The following PCOLCE2 variants were observed in gnomAD, a reference collection of about 807,000 sequenced individuals.
The protein encoded by PCOLCE2 is procollagen C-endopeptidase enhancer 2, also known as procollagen C-proteinase enhancer 2.
In PCOLCE2, 42 loss-of-function variants were observed where a neutral mutation model predicts 47.0. The ratio of observed to expected loss-of-function variants is 0.89; its 90% CI spans 0.70 to 1.16. The LOEUF (loss-of-function observed/expected upper bound fraction) is 1.16, where lower values mean the gene tolerates loss of function less well. Among genes scored for constraint, PCOLCE2 ranks in the 50% most tolerant of loss-of-function variants. The pLI is 0.00. For synonymous variants in PCOLCE2, 169 were observed against 191.7 expected (o/e 0.88, Z 0.98); for missense variants, 500 against 526.1 (o/e 0.95, Z 0.49).
intron 6 of PCOLCE2, chr3:142,827,008 C>A: frequency 1.4e-6 from 1 of 711,162 alleles, no homozygotes; most frequent in Admixed American, 2.2e-5. Context: ...TAGGTCATCT[C>A]GTTCTTGATC....
intron 4 of PCOLCE2, among the ~76,000 whole-genome samples, chr3:142,841,417 T>A (rs1303193872): frequency 6.6e-6 from 1 of 152,218 alleles, no homozygotes; most frequent in Non-Finnish European, 1.5e-5. Context: ...GGAAAAGAGA[T>A]GCTTAACTGT....
intron 2 of PCOLCE2, among the ~76,000 whole-genome samples, chr3:142,875,811 G>A (rs151074012): frequency 4.1e-4 from 62 of 152,084 alleles, no homozygotes; most frequent in Admixed American, 5.9e-4. Context: ...CCTCCTCCCC[G>A]CTTCACATCC....
At chr3:142,888,705 G>C (rs1308274374) in intron 1 of PCOLCE2, 109 bp downstream of exon 1, 1 of 633,906 alleles carries the variant, frequency 1.6e-6, no homozygotes, top group African/African-American at 1.9e-5. Flanking sequence ...AGGGTCGAGC[G>C]CTGGGTCACC....
chr3:142,875,294 C>T (rs955732035), intron 2 of PCOLCE2, among the ~76,000 whole-genome samples: 1 of 152,168 alleles, frequency 6.6e-6, no homozygotes, highest in African/African-American at 2.4e-5. Context: ...GCATCCTCTT[C>T]AAAATGCCAG....
chr3:142,855,750 T>G (rs888888563), intron 2 of PCOLCE2, among the ~76,000 whole-genome samples: 2 of 152,048 alleles, frequency 1.3e-5, no homozygotes, highest in Non-Finnish European at 2.9e-5. Context: ...CCTTTTGGAG[T>G]TCTCTTTTTG....
intron 2 of PCOLCE2, among the ~76,000 whole-genome samples, chr3:142,849,536 T>C (rs964161943): frequency 6.6e-6 from 1 of 152,158 alleles, no homozygotes; most frequent in Non-Finnish European, 1.5e-5. Context: ...ATTCCCTGAG[T>C]AGGTAGAAAA....
rs1011938218 is a variant in PCOLCE2 at position 142,818,043 on chromosome 3, A to G, written c.*292T>C. The G allele has an allele frequency of 1.6e-5, 4 of 252,418 alleles. No individual in the cohort carries two copies. The highest frequency in any genetic ancestry group is 8.8e-5 in the African/African-American group (4 of 45,706). The allele number at this position is 252,418 out of a possible 1,614,324, so 15.6% of individuals were successfully genotyped here. A position where few individuals can be genotyped will look rare whatever the true frequency, so the allele number is the denominator to read the frequency against. ...AATTCTAAAATATCCTTTTACAGAG[A>G]TGTATAAATAAACGCTTCCAAGCTG... On this transcript the variant is annotated 3_prime_UTR_variant, in exon 9 of 9. Coordinates refer to ENST00000295992, the MANE Select transcript of PCOLCE2 (RefSeq NM_013363.4).
chr3:142,827,161 G>C (rs1369922662), intron 6 of PCOLCE2: 1 of 1,433,906 alleles, frequency 7.0e-7, no homozygotes, highest in Admixed American at 1.7e-5. Flanking sequence ...GCAGCAATGA[G>C]ACCCATTTTG....
At chr3:142,843,103 A>G (rs1937284222) in intron 3 of PCOLCE2, 55 bp from the exon 4 acceptor site, 1 of 1,559,204 alleles carries the variant, frequency 6.4e-7, no homozygotes, top group African/African-American at 1.4e-5. Flanking sequence ...TTACAGCAAT[A>G]CAACCATGTG....
chr3:142,836,392 T>C (rs1332692836), intron 5 of PCOLCE2, among the ~76,000 whole-genome samples: 5 of 152,212 alleles, frequency 3.3e-5, no homozygotes, highest in African/African-American at 9.6e-5. Flanking sequence ...CACAGTCTGT[T>C]AGAATGAAGT....
Position 142,821,044 on chromosome 3 carries a change from T to C in PCOLCE2, c.951A>G (p.Val317=). The change falls in exon 8 of 9, where the codon GTA becomes GTG. Residue 317 remains valine, a splice_region_variant and synonymous_variant. Coordinates refer to ENST00000295992, the MANE Select transcript of PCOLCE2 (RefSeq NM_013363.4). The part of the protein sequence containing the change: ...LEGNYCSSDF[V]LAGTVITTIT... The stretch of plus-strand genomic sequence containing the variant: ...TGGTTGTGATAACAGTGCCGGCTAA[T>C]ACTGCAGAAGAAAACATTTTGAAGT... 1.3e-6 allele frequency: 2 copies of C among 1,598,428 alleles called. No homozygotes were observed. Among genetic ancestry groups the C allele is most frequent in the East Asian group, 2.2e-5 (1 of 44,458 alleles).
intron 2 of PCOLCE2, among the ~76,000 whole-genome samples, chr3:142,883,127 G>A (rs921439363): frequency 1.3e-5 from 2 of 149,366 alleles, no homozygotes; most frequent in African/African-American, 2.5e-5. Context: ...ATGAACCTGG[G>A]AGGCGGAGCT....
chr3:142,821,693 C>CT (rs34273573), intron 7 of PCOLCE2, among the ~76,000 whole-genome samples: 5,479 of 149,898 alleles, frequency 0.037, 349 homozygotes, highest in African/African-American at 0.13. Context: ...TTAACTTAAA[C>CT]TTTTTTTTTT....
Position 142,887,756 on chromosome 3 carries a change from G to A in PCOLCE2, c.105C>T (p.Gly35=), listed in dbSNP as rs776422715. 4 of 1,599,902 alleles carry A rather than the reference G, an allele frequency of 2.5e-6. No individual in the cohort carries two copies. The highest frequency in any genetic ancestry group is 1.7e-5 in the Admixed American group (1 of 60,008). The change falls in exon 2 of 9, where the codon GGC becomes GGT. Residue 35 remains glycine (G), a synonymous_variant. Coordinates refer to ENST00000295992, the MANE Select transcript of PCOLCE2 (RefSeq NM_013363.4). Reference sequence around the variant, plus strand: ...TAAATCCAGACTCTCCAGTAAGAATGCCACCACATGTGAAAACAGGTCTGG... The same window carrying A: ...TAAATCCAGACTCTCCAGTAAGAATACCACCACATGTGAAAACAGGTCTGG... ...SPERPVFTCG[G]ILTGESGFIG...
intron 2 of PCOLCE2, among the ~76,000 whole-genome samples, chr3:142,857,047 A>C (rs958697447): frequency 2.0e-5 from 3 of 151,812 alleles, no homozygotes; most frequent in Non-Finnish European, 4.4e-5. Flanking sequence ...TATTCTATAT[A>C]CTCTATAGTA....
At chr3:142,837,760 T>G (rs1361319485) in intron 5 of PCOLCE2, among the ~76,000 whole-genome samples, 3 of 152,202 alleles carry the variant, frequency 2.0e-5, no homozygotes, top group Non-Finnish European at 4.4e-5. Flanking sequence ...AGTTACATAA[T>G]TACACCAGAA....
intron 5 of PCOLCE2, among the ~76,000 whole-genome samples, chr3:142,838,247 A>G (rs146775553): frequency 0.017 from 2,634 of 152,156 alleles, 46 homozygotes; most frequent in Non-Finnish European, 0.02. Flanking sequence ...TGCTGACTCC[A>G]TGGTTATGGG....
At chr3:142,827,293 CT>C in intron 6 of PCOLCE2, 1 of 1,332,036 alleles carries the variant, frequency 7.5e-7, no homozygotes, top group Non-Finnish European at 1.1e-6. Context: ...ACCAGTTCCT[CT>C]TTGCCTTATA....
intron 2 of PCOLCE2, among the ~76,000 whole-genome samples, chr3:142,853,707 C>G (rs529927540): frequency 1.3e-5 from 2 of 152,162 alleles, no homozygotes; most frequent in Admixed American, 1.3e-4. Context: ...AGATGCATAT[C>G]TTTTTGGAAA....
Sources: gnomAD v4.1 joint callset for allele counts (sites outside exome capture counted in the v4.1 genomes callset) on GRCh38, gnomAD v4.1.1 for gene constraint, MANE v1.5 for transcripts, NCBI Gene and HGNC (gene_info 2026-07-23, HGNC 2026-07-21) for gene names.